The following CRYBA4 variants were observed in gnomAD, a reference collection of about 807,000 sequenced individuals.
The protein encoded by CRYBA4 is beta-crystallin A4.
Under a neutral mutation model 31.7 loss-of-function variants are expected in CRYBA4, and 30 were observed. The observed-to-expected ratio is 0.95, with a 90% CI of 0.71 to 1.28. CRYBA4 has a LOEUF of 1.28. CRYBA4 is among the 50% of genes most tolerant of loss of function. The pLI is 0.00. For missense variants in CRYBA4, 225 were observed against 260.7 expected, an observed-to-expected ratio of 0.86 and a Z score of 0.94; for synonymous variants, 102 against 102.3, an observed-to-expected ratio of 1.00 and a Z score of 0.02.
At chr22:26,612,456 A>G in the CRYBA4 span, among the ~76,000 whole-genome samples, 1 of 152,130 alleles carries the variant, frequency 6.6e-6, no homozygotes, top group Non-Finnish European at 1.5e-5. Flanking sequence ...TCCGCCTCCC[A>G]GGCTCAAGCG....
In CRYBA4 at chr22:26,625,529, G is replaced by A. The variant is rs1365661284; in HGVS notation, c.207G>A (p.Leu69=). The change falls in exon 4 of 6, where the codon CTG becomes CTA. Residue 69 remains leucine (L), a synonymous_variant. Coordinates refer to ENST00000354760, the MANE Select transcript of CRYBA4 (RefSeq NM_001886.3). ...HAGFQGQQYI[L]ERGEYPSWDA... ...GCTTCCAAGGGCAGCAGTACATTCTGGAACGAGGCGAATATCCAAGCTGGG... is the reference window on the plus strand; with the variant it reads ...GCTTCCAAGGGCAGCAGTACATTCTAGAACGAGGCGAATATCCAAGCTGGG... The A allele has an allele frequency of 6.2e-7, 1 of 1,613,950 alleles. No homozygotes were observed.
the CRYBA4 span, among the ~76,000 whole-genome samples, chr22:26,601,126 A>T: frequency 6.6e-6 from 1 of 152,178 alleles, no homozygotes; most frequent in Non-Finnish European, 1.5e-5. Context: ...AAAAGGCCAT[A>T]GCCATGATGG....
the CRYBA4 span, among the ~76,000 whole-genome samples, chr22:26,608,520 A>G: frequency 6.6e-6 from 1 of 152,214 alleles, no homozygotes; most frequent in African/African-American, 2.4e-5. Context: ...TCCAGCAGAC[A>G]ATGGTGTAAT....
the CRYBA4 span, chr22:26,599,480 A>T: frequency 6.2e-7 from 1 of 1,604,114 alleles, no homozygotes; most frequent in Non-Finnish European, 8.5e-7. Flanking sequence ...TAGCAGAGTG[A>T]GGTGTGGACT....
Position 26,628,442 on chromosome 22 carries a change from C to A in CRYBA4, c.443+12C>A. ...GTCCACTCTGGGGCGTAAGTGTATTCAAGGCTCTACCTGGCAGGGGAGGGG... is the reference window on the plus strand; with the variant it reads ...GTCCACTCTGGGGCGTAAGTGTATTAAAGGCTCTACCTGGCAGGGGAGGGG... On this transcript the variant is annotated intron_variant, in intron 5 of 5. Transcript: ENST00000354760. 1 of 1,613,560 alleles carries A rather than the reference C, an allele frequency of 6.2e-7. No individual in the cohort carries two copies. Among genetic ancestry groups the A allele is most frequent in the South Asian group, 1.1e-5 (1 of 91,056 alleles).
the CRYBA4 span, chr22:26,599,364 G>T: frequency 1.2e-6 from 1 of 850,326 alleles, no homozygotes; most frequent in Non-Finnish European, 1.9e-6. Flanking sequence ...GGACCTCAAG[G>T]CACACATCTG....
At chr22:26,615,884 G>A in the CRYBA4 span, among the ~76,000 whole-genome samples, 2 of 152,136 alleles carry the variant, frequency 1.3e-5, no homozygotes, top group South Asian at 2.1e-4. Context: ...CCACACTTGT[G>A]TCCCAGAAGG....
chr22:26,624,333 G>A (rs1416385520), intron 3 of CRYBA4, among the ~76,000 whole-genome samples: 1 of 152,106 alleles, frequency 6.6e-6, no homozygotes, highest in Non-Finnish European at 1.5e-5. Flanking sequence ...TGGATAGAAG[G>A]TTCTAGAAGG....
chr22:26,595,874 G>A, the CRYBA4 span, among the ~76,000 whole-genome samples: 1 of 152,084 alleles, frequency 6.6e-6, no homozygotes, highest in Admixed American at 6.5e-5. Context: ...CTGGGCTCAA[G>A]GGATCCTCCT....
At chr22:26,623,446 T>C in intron 3 of CRYBA4, 94 bp downstream of exon 3, 1 of 949,776 alleles carries the variant, frequency 1.1e-6, no homozygotes, top group Non-Finnish European at 1.7e-6. Flanking sequence ...AGGTCCCCTC[T>C]CCCTAGGCTC....
the CRYBA4 span, among the ~76,000 whole-genome samples, chr22:26,592,979 C>T: frequency 6.6e-6 from 1 of 152,182 alleles, no homozygotes; most frequent in Non-Finnish European, 1.5e-5. Context: ...CTCAGTGAAC[C>T]TTTCCAGGTC....
intron 5 of CRYBA4, 142 bp downstream of exon 5, chr22:26,628,572 C>G (rs969327626): frequency 1.0e-6 from 1 of 1,002,196 alleles, no homozygotes; most frequent in African/African-American, 1.6e-5. Context: ...AGGGAGGTAT[C>G]AGGCAGAATT....
the CRYBA4 span, among the ~76,000 whole-genome samples, chr22:26,600,190 A>G: frequency 1.3e-5 from 2 of 152,172 alleles, no homozygotes; most frequent in Non-Finnish European, 2.9e-5. Flanking sequence ...TCACAAGGTC[A>G]GGAGATCGAG....
At chr22:26,599,161 A>G in the CRYBA4 span, 3 of 354,694 alleles carry the variant, frequency 8.5e-6, no homozygotes, top group Admixed American at 8.4e-5. Context: ...CTTGGACAGC[A>G]TCTCACAGGT....
chr22:26,608,035 G>A, the CRYBA4 span: 1 of 1,614,118 alleles, frequency 6.2e-7, no homozygotes, highest in Non-Finnish European at 8.5e-7. Flanking sequence ...GATACAAGAA[G>A]GACCATGAGG....
At chr22:26,611,992 A>G in the CRYBA4 span, 31 of 1,020,706 alleles carry the variant, frequency 3.0e-5, no homozygotes, top group Middle Eastern at 2.1e-4. Context: ...CACAGAGCAG[A>G]TGCTGGAGAA....
Position 26,623,232 on chromosome 22 carries a change from A to C in CRYBA4, c.40-2A>C, listed in dbSNP as rs767271182. The C allele has an allele frequency of 4.2e-5, 68 of 1,611,458 alleles. No homozygotes were observed. The highest frequency in any genetic ancestry group is 5.7e-5 in the Non-Finnish European group (67 of 1,178,868). On this transcript the variant is annotated splice_acceptor_variant, in intron 2 of 5. Transcript: ENST00000354760. LOFTEE classifies it high-confidence loss of function. ...CTCCACCTTTTTTTTTTCCTGGCAC[A>C]GATGGTGGTGTGGGATGAGGACGGC...
the CRYBA4 span, among the ~76,000 whole-genome samples, chr22:26,606,404 A>G: frequency 9.8e-5 from 15 of 152,362 alleles, no homozygotes; most frequent in Non-Finnish European, 1.6e-4. Context: ...AAAACCTAAT[A>G]TGTATTTTAC....
chr22:26,602,765 T>C, the CRYBA4 span, among the ~76,000 whole-genome samples: 1 of 152,116 alleles, frequency 6.6e-6, no homozygotes, highest in Non-Finnish European at 1.5e-5. Context: ...AATTGCCCTT[T>C]TGTAAATGCT....
Sources: gnomAD v4.1 joint callset for allele counts (sites outside exome capture counted in the v4.1 genomes callset) on GRCh38, gnomAD v4.1.1 for gene constraint, MANE v1.5 for transcripts, NCBI Gene and HGNC (gene_info 2026-07-23, HGNC 2026-07-21) for gene names.